The following NKAIN3 variants were observed in gnomAD, a reference collection of about 807,000 sequenced individuals.
NKAIN3 encodes the protein sodium/potassium-transporting ATPase subunit beta-1-interacting protein 3.
NKAIN3 carries 25 observed loss-of-function variants against 30.2 expected under a neutral mutation model. The observed-to-expected ratio is 0.83, with a 90% CI of 0.60 to 1.16. The LOEUF is 1.16. Among genes scored for constraint, NKAIN3 ranks in the 50% most tolerant of loss-of-function variants. NKAIN3 has a pLI of 0.00. For synonymous variants in NKAIN3, 91 were observed against 89.6 expected (o/e 1.02, Z -0.09); for missense variants, 225 against 254.1 (o/e 0.89, Z 0.78).
chr8:62,906,070 C>T (rs1821763823), intron 4 of NKAIN3, among the ~76,000 whole-genome samples: 1 of 152,184 alleles, frequency 6.6e-6, no homozygotes. Flanking sequence ...GAATTTCCTT[C>T]CAGTAACACA....
chr8:62,565,373 T>TAC (rs2129995153), intron 1 of NKAIN3, among the ~76,000 whole-genome samples: 1 of 152,022 alleles, frequency 6.6e-6, no homozygotes, highest in South Asian at 2.1e-4. Flanking sequence ...TGCGTGTGTG[T>TAC]GTGTGTGTGT....
intron 3 of NKAIN3, among the ~76,000 whole-genome samples, chr8:62,620,882 A>G (rs1030319528): frequency 1.3e-5 from 2 of 151,684 alleles, no homozygotes; most frequent in Admixed American, 6.6e-5. Context: ...CCAAGCCTAT[A>G]AACGCCTGAA....
intron 1 of NKAIN3, among the ~76,000 whole-genome samples, chr8:62,537,085 C>CTTA (rs1808688313): frequency 6.6e-6 from 1 of 152,162 alleles, no homozygotes; most frequent in African/African-American, 2.4e-5. Flanking sequence ...AACCAGTTAC[C>CTTA]TTATGTCTTT....
At chr8:62,640,504 A>G (rs544212543) in intron 3 of NKAIN3, among the ~76,000 whole-genome samples, 5 of 152,150 alleles carry the variant, frequency 3.3e-5, no homozygotes, top group South Asian at 2.1e-4. Context: ...TAGTATCTCT[A>G]TAACAGTGTG....
At chr8:62,696,440 A>G (rs1259542175) in intron 3 of NKAIN3, among the ~76,000 whole-genome samples, 1 of 152,176 alleles carries the variant, frequency 6.6e-6, no homozygotes, top group Non-Finnish European at 1.5e-5. Context: ...TTAATTCTCC[A>G]TTTCTAATGA....
At chr8:62,383,475 AG>A (rs1367623457) in intron 1 of NKAIN3, 1 of 454,848 alleles carries the variant, frequency 2.2e-6, no homozygotes, top group South Asian at 1.6e-5. Flanking sequence ...TTTCCAGAAT[AG>A]GGCACTTTTG....
intron 1 of NKAIN3, among the ~76,000 whole-genome samples, chr8:62,330,988 CTCTCTCTCTCTT>C (rs1239403975): frequency 5.5e-5 from 8 of 144,676 alleles, no homozygotes; most frequent in Admixed American, 4.0e-4. Context: ...CTAGACTTCT[CTCTCTCTCTCTT>C]TCTCTCTCTC....
At chr8:62,919,393 C>T (rs368822367) in intron 5 of NKAIN3, among the ~76,000 whole-genome samples, 6 of 151,474 alleles carry the variant, frequency 4.0e-5, no homozygotes, top group Admixed American at 6.6e-5. Context: ...TACAGGCACC[C>T]GCCACCATGT....
chr8:62,807,745 G>A (rs147098608), intron 4 of NKAIN3, among the ~76,000 whole-genome samples: 11 of 148,802 alleles, frequency 7.4e-5, no homozygotes, highest in African/African-American at 2.7e-4. Flanking sequence ...TAGTGATGGG[G>A]TTTCACCATG....
chr8:62,634,707 A>G (rs1353456964), intron 3 of NKAIN3, among the ~76,000 whole-genome samples: 1 of 152,198 alleles, frequency 6.6e-6, no homozygotes, highest in African/African-American at 2.4e-5. Context: ...GAGCAAAGTC[A>G]TGCTTGCATG....
At chr8:62,751,232 C>G (rs937456544) in intron 4 of NKAIN3, among the ~76,000 whole-genome samples, 1 of 152,178 alleles carries the variant, frequency 6.6e-6, no homozygotes, top group Non-Finnish European at 1.5e-5. Context: ...CCTCCTACCC[C>G]ACCTGGGCTC....
intron 4 of NKAIN3, among the ~76,000 whole-genome samples, chr8:62,876,514 A>G (rs4446730): frequency 0.69 from 105,583 of 152,054 alleles, 37,364 homozygotes; most frequent in African/African-American, 0.79. Context: ...ACATGCACAC[A>G]TATGTTTATT....
At chr8:62,649,850 C>T (rs573721261) in intron 3 of NKAIN3, among the ~76,000 whole-genome samples, 1 of 152,206 alleles carries the variant, frequency 6.6e-6, no homozygotes, top group Non-Finnish European at 1.5e-5. Flanking sequence ...GGAAGGTTCC[C>T]CAGTGCTTCC....
chr8:62,859,430 T>A (rs1820168824), intron 4 of NKAIN3, among the ~76,000 whole-genome samples: 1 of 142,550 alleles, frequency 7.0e-6, no homozygotes, highest in Admixed American at 7.4e-5. Context: ...GTCTGGCTCA[T>A]CTTGTCTGGG....
At chr8:62,988,047 A>T (rs1047092025), downstream of NKAIN3, among the ~76,000 whole-genome samples, 5 of 152,358 alleles carry the variant, frequency 3.3e-5, no homozygotes, top group African/African-American at 1.2e-4. Flanking sequence ...CCAATGGGGC[A>T]GTCATTAAAC....
intron 4 of NKAIN3, among the ~76,000 whole-genome samples, chr8:62,843,346 AT>A (rs993360423): frequency 6.0e-5 from 9 of 148,920 alleles, no homozygotes; most frequent in African/African-American, 1.5e-4. Context: ...TTATTTATTT[AT>A]TTTTTTTGAG....
chr8:62,918,722 A>T (rs1410916471), intron 5 of NKAIN3, among the ~76,000 whole-genome samples: 1 of 152,206 alleles, frequency 6.6e-6, no homozygotes, highest in Non-Finnish European at 1.5e-5. Flanking sequence ...AATTTGTGAG[A>T]GCACGTGCAG....
At chr8:62,318,938 A>T (rs1814767145) in intron 1 of NKAIN3, among the ~76,000 whole-genome samples, 1 of 152,170 alleles carries the variant, frequency 6.6e-6, no homozygotes, top group South Asian at 2.1e-4. Context: ...CTCTGGTAGA[A>T]TTCGGCTGTG....
chr8:62,798,890 C>G (rs1162753862), intron 4 of NKAIN3, among the ~76,000 whole-genome samples: 1 of 152,130 alleles, frequency 6.6e-6, no homozygotes, highest in Non-Finnish European at 1.5e-5. Flanking sequence ...AGGCAGTGTC[C>G]TAACCACTAA....
Sources: gnomAD v4.1 joint callset for allele counts (sites outside exome capture counted in the v4.1 genomes callset) on GRCh38, gnomAD v4.1.1 for gene constraint, MANE v1.5 for transcripts, NCBI Gene and HGNC (gene_info 2026-07-23, HGNC 2026-07-21) for gene names.